Variants in CDH18 observed in about 807,000 individuals in gnomAD.
CDH18 encodes cadherin-18.
In CDH18, 31 loss-of-function variants were observed where a neutral mutation model predicts 67.9. The observed-to-expected ratio is 0.46, with a 90% CI of 0.34 to 0.62. The LOEUF is 0.62. Among genes scored for constraint, CDH18 ranks in the 20% least tolerant of loss-of-function variants. CDH18 has a pLI of 0.01. For synonymous variants in CDH18, 362 were observed against 347.2 expected, an observed-to-expected ratio of 1.04 and a Z score of -0.48; for missense variants, 890 against 975.5, an observed-to-expected ratio of 0.91 and a Z score of 1.17.
chr5:20,537,397 G>A (rs1455052325), intron 1 of CDH18, among the ~76,000 whole-genome samples: 1 of 117,532 alleles, frequency 8.5e-6, no homozygotes, highest in Admixed American at 8.7e-5. Context: ...TTAAAAAACT[G>A]ATTTTTTATT....
At chr5:20,194,237 ACTC>A (rs1399107107) in intron 2 of CDH18, among the ~76,000 whole-genome samples, 2 of 151,896 alleles carry the variant, frequency 1.3e-5, no homozygotes, top group African/African-American at 4.8e-5. Context: ...CAGCCCCAAA[ACTC>A]CTTGTGATAA....
intron 5 of CDH18, among the ~76,000 whole-genome samples, chr5:19,617,217 T>C (rs79608270): frequency 9.2e-4 from 140 of 152,302 alleles, no homozygotes; most frequent in East Asian, 2.5e-3. Context: ...TGTATATGTA[T>C]AGGGATCAAA....
intron 1 of CDH18, among the ~76,000 whole-genome samples, chr5:20,494,509 A>T (rs1753794206): frequency 6.6e-6 from 1 of 152,176 alleles, no homozygotes; most frequent in Non-Finnish European, 1.5e-5. Flanking sequence ...CTATCTCAAA[A>T]CTGTCTGAAA....
At chr5:20,394,001 T>G (rs187648114) in intron 1 of CDH18, among the ~76,000 whole-genome samples, 2 of 151,964 alleles carry the variant, frequency 1.3e-5, no homozygotes, top group Non-Finnish European at 2.9e-5. Context: ...AGATAACAGA[T>G]TCAATGAAAT....
intron 11 of CDH18, among the ~76,000 whole-genome samples, chr5:19,489,464 G>A (rs552169695): frequency 1.4e-4 from 21 of 152,020 alleles, no homozygotes; most frequent in South Asian, 4.2e-4. Context: ...GGCCAGGCTG[G>A]TCTCAAACTC....
rs1409951409 is a variant in CDH18, at chr5:19,471,539, T to C, written c.*1687A>G. The stretch of plus-strand genomic sequence containing the variant: ...GCAAAGGAAAAACTCCGGTGTCAAC[T>C]AATTCCTATTTCATGTATTTAAGAA... On this transcript the variant is annotated 3_prime_UTR_variant, in exon 13 of 13. Transcript: ENST00000382275. Among the ~76,000 whole-genome samples, 1 of 152,146 alleles carries C rather than the reference T, an allele frequency of 6.6e-6. No homozygotes were observed. The highest frequency in any genetic ancestry group is 2.4e-5 in the African/African-American group (1 of 41,448).
chr5:20,028,475 G>C (rs1266755745), intron 2 of CDH18, among the ~76,000 whole-genome samples: 1 of 152,054 alleles, frequency 6.6e-6, no homozygotes, highest in East Asian at 1.9e-4. Flanking sequence ...TGAGTAACTT[G>C]AAAGGTTTGG....
intron 11 of CDH18, among the ~76,000 whole-genome samples, chr5:19,493,537 GGTGTGTGTGTGT>G (rs67879363): frequency 1.4e-5 from 2 of 147,936 alleles, no homozygotes; most frequent in African/African-American, 5.0e-5. Context: ...AGGGAATTGG[GGTGTGTGTGTGT>G]GTGTGTGTGT....
chr5:20,255,276 A>G (rs1744147840), intron 2 of CDH18, among the ~76,000 whole-genome samples: 1 of 152,218 alleles, frequency 6.6e-6, no homozygotes, highest in Admixed American at 6.5e-5. Context: ...TTTAAAACAC[A>G]GAAGATGCTA....
At chr5:19,773,101 A>G (rs2149746780) in intron 3 of CDH18, among the ~76,000 whole-genome samples, 1 of 152,146 alleles carries the variant, frequency 6.6e-6, no homozygotes, top group East Asian at 1.9e-4. Context: ...TAGGATAAAT[A>G]AAGGGATTCT....
At chr5:20,564,260 T>A (rs1035422430) in intron 1 of CDH18, among the ~76,000 whole-genome samples, 1 of 141,596 alleles carries the variant, frequency 7.1e-6, no homozygotes. Context: ...ATTATCACAG[T>A]TTTATTTATT....
chr5:20,557,428 T>C (rs894537420), intron 1 of CDH18, among the ~76,000 whole-genome samples: 1 of 152,140 alleles, frequency 6.6e-6, no homozygotes, highest in Non-Finnish European at 1.5e-5. Flanking sequence ...GGAAGAGATA[T>C]AGATTAGTAG....
intron 2 of CDH18, among the ~76,000 whole-genome samples, chr5:19,851,381 TA>T (rs1190108561): frequency 9.6e-5 from 7 of 73,044 alleles, no homozygotes; most frequent in African/African-American, 3.0e-4. Flanking sequence ...TGTAATAAAA[TA>T]AAAAATAAAT....
Position 20,482,620 on chromosome 5 carries a change from T to TACACAA in CDH18, c.-580+92836_-580+92841dup, listed in dbSNP as rs1267329450. Among the ~76,000 whole-genome samples the TACACAA allele has an allele frequency of 1.6e-4, 25 of 152,248 alleles. 1 individual carries two copies. The highest frequency in any genetic ancestry group is 6.0e-4 in the African/African-American group (25 of 41,580). The stretch of plus-strand genomic sequence containing the variant: ...CTAGAGATTCAAGTGTGGTTCAACA[T>TACACAA]ACACAAATTAATCAATGTGATATAT... On this transcript the variant is annotated intron_variant, in intron 1 of 14. Transcript: ENST00000507958.
intron 2 of CDH18, among the ~76,000 whole-genome samples, chr5:19,912,726 T>G (rs1791290468): frequency 6.6e-6 from 1 of 152,190 alleles, no homozygotes; most frequent in South Asian, 2.1e-4. Context: ...GATTTGAGTT[T>G]AGCCTGAAGA....
rs138347531 is a variant in CDH18 at position 20,496,544 on chromosome 5, T to A, written c.-580+78918A>T. Among the ~76,000 whole-genome samples, 3 of 152,326 alleles carry A rather than the reference T, an allele frequency of 2.0e-5. No homozygotes were observed. The East Asian group carries it at 5.8e-4, about 29-fold the overall frequency. On this transcript the variant is annotated intron_variant, in intron 1 of 14. Coordinates refer to the CDH18 transcript ENST00000507958. The stretch of plus-strand genomic sequence containing the variant: ...TTGATAAAAAATTATGGTGATTATT[T>A]AATATTCATTTTTTTGAGATGGAGT...
chr5:19,960,806 TAC>T lies in CDH18; in HGVS notation c.-257+20252_-257+20253del, dbSNP rs535629693. ...ATATATATGTGTATATATGTATATATACACACACACACGCACACAAATATACA... is the reference window on the plus strand; with the variant it reads ...ATATATATGTGTATATATGTATATATACACACACACGCACACAAATATACA... On this transcript the variant is annotated intron_variant, in intron 2 of 12. Transcript: ENST00000382275. Among the ~76,000 whole-genome samples, 256 of 148,886 alleles carry T rather than the reference TAC, an allele frequency of 1.7e-3. 1 individual carries two copies. Among genetic ancestry groups the T allele is most frequent in the African/African-American group, 3.0e-3 (120 of 40,546 alleles).
At chr5:19,808,267 A>T (rs750625348) in intron 3 of CDH18, among the ~76,000 whole-genome samples, 17 of 151,922 alleles carry the variant, frequency 1.1e-4, no homozygotes, top group Non-Finnish European at 2.5e-4. Flanking sequence ...TTTTGTAACG[A>T]ATGCCTATAA....
intron 1 of CDH18, among the ~76,000 whole-genome samples, chr5:20,363,717 A>C (rs1742287812): frequency 1.7e-5 from 1 of 60,304 alleles, no homozygotes; most frequent in South Asian, 5.4e-4. Context: ...TAGCAAAGTT[A>C]ATTTTTTTTT....
Sources: allele counts gnomAD v4.1 joint callset (sites outside exome capture counted in the v4.1 genomes callset), GRCh38; gene constraint gnomAD v4.1.1; transcripts MANE v1.5; gene names NCBI Gene and HGNC (gene_info 2026-07-23, HGNC 2026-07-21).